TBC1D14: variants seen among roughly 807,000 people sequenced by gnomAD.
The protein encoded by TBC1D14 is TBC1 domain family, member 14.
TBC1D14 carries 26 observed loss-of-function variants against 79.0 expected under a neutral mutation model. That is an observed-to-expected ratio of 0.33 (90% CI 0.24 to 0.46). The LOEUF (loss-of-function observed/expected upper bound fraction) is 0.46. Ranked by LOEUF, TBC1D14 falls within the 20% of genes least tolerant of loss-of-function variation. TBC1D14 has a pLI of 1.00. For missense variants in TBC1D14, 769 were observed against 887.6 expected (o/e 0.87, Z 1.70); for synonymous variants, 394 against 349.9 (o/e 1.13, Z -1.40).
At chr4:7,027,008 C>G (rs1024581627) in intron 13 of TBC1D14, among the ~76,000 whole-genome samples, 1 of 152,108 alleles carries the variant, frequency 6.6e-6, no homozygotes, top group South Asian at 2.1e-4. Flanking sequence ...GTCAGGAGTT[C>G]AAGACAAGCC....
In TBC1D14 at chr4:6,967,297, C is replaced by T; in HGVS notation, c.723-7C>T. 1 of 1,612,612 alleles carries T rather than the reference C, an allele frequency of 6.2e-7. No individual in the cohort carries two copies. Among genetic ancestry groups the T allele is most frequent in the South Asian group, 1.1e-5 (1 of 91,004 alleles). On this transcript the variant is annotated splice_polypyrimidine_tract_variant and splice_region_variant and intron_variant, in intron 2 of 13. Transcript: ENST00000409757. ...AATGCCCTAACCTTGTTATTTTCTT[C>T]CTATAGGAACTTGCTTGCTAGAAAA...
rs538065770 is a variant in TBC1D14 at position 6,938,076 on chromosome 4, C to T, written c.722+13965C>T. Reference sequence around the variant, plus strand: ...GGAGAGGGAGGCAGCAGTGCCGTCCCGGGCGTTGTGGTGGTGGGCGCTACT... The same window carrying T: ...GGAGAGGGAGGCAGCAGTGCCGTCCTGGGCGTTGTGGTGGTGGGCGCTACT... On this transcript the variant is annotated intron_variant, in intron 2 of 13. Coordinates refer to ENST00000409757, the MANE Select transcript of TBC1D14 (RefSeq NM_020773.3). Among the ~76,000 whole-genome samples, 19 of 152,272 alleles carry T rather than the reference C, an allele frequency of 1.2e-4. No homozygotes were observed. In the South Asian group the frequency reaches 1.9e-3, roughly 15 times the overall value.
chr4:6,978,076 C>T (rs2109085208), intron 3 of TBC1D14, among the ~76,000 whole-genome samples: 1 of 148,158 alleles, frequency 6.7e-6, no homozygotes, highest in East Asian at 2.0e-4. Context: ...AGGTGGGGGT[C>T]AGCCCCCCGC....
In TBC1D14 at chr4:6,945,149, T is replaced by G. The variant is rs180830747; in HGVS notation, c.722+21038T>G. Among the ~76,000 whole-genome samples, 616 of 152,308 alleles carry G rather than the reference T, an allele frequency of 4.0e-3. 5 individuals carry two copies. Among genetic ancestry groups the G allele is most frequent in the African/African-American group, 0.013 (551 of 41,566 alleles). The stretch of plus-strand genomic sequence containing the variant: ...GGCTACATTGTGTCAGGCTCTGAGC[T>G]TGGCATTTTCCATGTGAAAGGAGAC... On this transcript the variant is annotated intron_variant, in intron 2 of 13. Transcript: ENST00000409757.
intron 2 of TBC1D14, among the ~76,000 whole-genome samples, chr4:6,937,769 G>A (rs1712482173): frequency 6.6e-6 from 1 of 152,164 alleles, no homozygotes; most frequent in Non-Finnish European, 1.5e-5. Flanking sequence ...TTACATTGGG[G>A]CATGGATTCT....
chr4:7,027,742 CACCCACAT>C (rs1485706170), intron 13 of TBC1D14, among the ~76,000 whole-genome samples: 2 of 137,224 alleles, frequency 1.5e-5, no homozygotes, highest in Non-Finnish European at 3.1e-5. Flanking sequence ...ACACATCACA[CACCCACAT>C]ACACAATCAC....
rs535504244 is a variant in TBC1D14 at position 7,007,594 on chromosome 4, C to T, written c.1446+868C>T. On this transcript the variant is annotated intron_variant, in intron 9 of 13. Coordinates refer to ENST00000409757, the MANE Select transcript of TBC1D14 (RefSeq NM_020773.3). ...CAGAAGAGGAAAGAGAGGGAATCTA[C>T]AAAGCTCCAGCAGCTTTGGTCCTGG... 9.3e-5 allele frequency: 120 copies of T among 1,289,372 alleles called. 2 individuals carry two copies. In the South Asian group the frequency reaches 1.1e-3, roughly 12 times the overall value. 79.9% of individuals were successfully genotyped at this position (1,289,372 alleles called of 1,614,324 possible).
At position 7,014,510 on chromosome 4, in the gene TBC1D14, G is replaced by T. The variant is rs371530578; in HGVS notation, c.1710G>T (p.Ala570=). The part of the protein sequence containing the change: ...FFEENLPKLF[A]HFKKNNLTPD... ...AAGAAAATTTGCCGAAATTATTTGC[G>T]CATTTCAAGAAGAACAACCTAACTC... is the stretch of plus-strand genomic sequence containing the variant. Residue 570 remains alanine (A), a synonymous_variant, in exon 12 of 14, where the codon GCG becomes GCT. Transcript: ENST00000409757. The T allele has an allele frequency of 1.3e-5, 21 of 1,613,754 alleles. No homozygotes were observed. In the Admixed American group the frequency reaches 1.3e-4, roughly 10 times the overall value.
chr4:6,911,155 C>T (rs1722954000), intron 1 of TBC1D14, among the ~76,000 whole-genome samples: 1 of 152,170 alleles, frequency 6.6e-6, no homozygotes. Context: ...TTGGGTATGG[C>T]TTCCCCCCTC....
At chr4:7,005,709 A>G (rs923568267) in intron 8 of TBC1D14, among the ~76,000 whole-genome samples, 1 of 152,004 alleles carries the variant, frequency 6.6e-6, no homozygotes, top group African/African-American at 2.4e-5. Flanking sequence ...AAAAAAAAAA[A>G]AGAAATAGAA....
At chr4:6,921,025 C>G (rs1045673046) in intron 1 of TBC1D14, among the ~76,000 whole-genome samples, 6 of 152,182 alleles carry the variant, frequency 3.9e-5, no homozygotes, top group Non-Finnish European at 5.9e-5. Flanking sequence ...GGTGATCCAC[C>G]TGCTTCGGCC....
chr4:6,986,371 G>C (rs1380240924), intron 3 of TBC1D14, among the ~76,000 whole-genome samples: 1 of 152,236 alleles, frequency 6.6e-6, no homozygotes, highest in East Asian at 1.9e-4. Flanking sequence ...AGGGGATGCT[G>C]AATTATAGAA....
At chr4:6,990,812 A>G (rs909496851) in intron 3 of TBC1D14, among the ~76,000 whole-genome samples, 1 of 152,242 alleles carries the variant, frequency 6.6e-6, no homozygotes, top group African/African-American at 2.4e-5. Context: ...CACCCAAGCC[A>G]GGACCTAGAA....
chr4:7,008,776 C>T (rs1177774039), intron 9 of TBC1D14, among the ~76,000 whole-genome samples: 5 of 152,158 alleles, frequency 3.3e-5, no homozygotes, highest in Non-Finnish European at 7.4e-5. Flanking sequence ...ATGGAAGGAT[C>T]GAAATTACAA....
chr4:6,914,343 C>T (rs553455506), intron 1 of TBC1D14, among the ~76,000 whole-genome samples: 1 of 152,318 alleles, frequency 6.6e-6, no homozygotes, highest in Admixed American at 6.5e-5. Flanking sequence ...TTGCCACTCA[C>T]CCTCTGGAGG....
At chr4:6,943,078 A>G (rs1055797038) in intron 2 of TBC1D14, among the ~76,000 whole-genome samples, 5 of 152,136 alleles carry the variant, frequency 3.3e-5, no homozygotes, top group African/African-American at 1.2e-4. Context: ...CTGTGGCCCC[A>G]TCGTTTTCAG....
At chr4:6,992,774 C>T (rs1322120948) in intron 3 of TBC1D14, among the ~76,000 whole-genome samples, 2 of 152,242 alleles carry the variant, frequency 1.3e-5, no homozygotes, top group Non-Finnish European at 2.9e-5. Context: ...TAGGTCACGG[C>T]TGTGTACCCC....
chr4:6,954,082 C>T (rs1013741929), intron 2 of TBC1D14: 16 of 579,296 alleles, frequency 2.8e-5, no homozygotes, highest in Admixed American at 6.1e-5. Context: ...TGGGCTCACT[C>T]CTCCCTCCCT....
chr4:6,958,292 G>T (rs924062924), intron 2 of TBC1D14, among the ~76,000 whole-genome samples: 1 of 152,046 alleles, frequency 6.6e-6, no homozygotes, highest in Non-Finnish European at 1.5e-5. Flanking sequence ...GGGGTCGAGG[G>T]GGTTATGTCC....
Sources: allele counts gnomAD v4.1 joint callset (sites outside exome capture counted in the v4.1 genomes callset), GRCh38; gene constraint gnomAD v4.1.1; transcripts MANE v1.5; gene names NCBI Gene and HGNC (gene_info 2026-07-23, HGNC 2026-07-21).